Variants in SMCHD1 observed in about 807,000 individuals in gnomAD.
SMCHD1 encodes structural maintenance of chromosomes flexible hinge domain containing 1.
Under a neutral mutation model 254.7 loss-of-function variants are expected in SMCHD1, and 78 were observed. The observed-to-expected ratio is 0.31, with a 90% CI of 0.26 to 0.37. The LOEUF is 0.37. Ranked by LOEUF, SMCHD1 falls within the 10% of genes least tolerant of loss-of-function variation. SMCHD1 has a pLI of 1.00. For synonymous variants in SMCHD1, 766 were observed against 794.9 expected (o/e 0.96, Z 0.61); for missense variants, 1,840 against 2,408.1 (o/e 0.76, Z 4.94).
chr18:2,800,617 C>T (rs1424932437), intron 47 of SMCHD1: 2 of 152,156 alleles, frequency 1.3e-5, no homozygotes, highest in Admixed American at 6.6e-5. Flanking sequence ...AGATTACAGG[C>T]CTGAGTCACC....
chr18:2,793,562 G>A (rs1364422340), intron 45 of SMCHD1, among the ~76,000 whole-genome samples: 1 of 150,898 alleles, frequency 6.6e-6, no homozygotes, highest in Non-Finnish European at 1.5e-5. Flanking sequence ...CCACCTGGGA[G>A]GCTGAGGCAG....
chr18:2,749,056 G>A (rs543539745), intron 30 of SMCHD1, among the ~76,000 whole-genome samples: 6 of 152,156 alleles, frequency 3.9e-5, no homozygotes, highest in Non-Finnish European at 7.4e-5. Flanking sequence ...GTTAAATGAG[G>A]CTATGATACT....
chr18:2,657,648 A>AT (rs2073111739), intron 1 of SMCHD1, among the ~76,000 whole-genome samples: 1 of 152,042 alleles, frequency 6.6e-6, no homozygotes, highest in South Asian at 2.1e-4. Context: ...TTCCCACTCC[A>AT]TTTTTTAAAT....
chr18:2,752,463 C>G (rs2075593175), intron 33 of SMCHD1, 25 bp from the exon 34 acceptor site: 1 of 1,544,946 alleles, frequency 6.5e-7, no homozygotes, highest in African/African-American at 1.4e-5. Flanking sequence ...TCCCCTCTCC[C>G]CTTCTCTCCT....
chr18:2,763,216 T>C (rs562743688), intron 36 of SMCHD1, among the ~76,000 whole-genome samples: 1 of 152,338 alleles, frequency 6.6e-6, no homozygotes, highest in South Asian at 2.1e-4. Context: ...TTGAATATCA[T>C]ATAAGCACCG....
At chr18:2,684,364 T>C (rs2073993284) in intron 5 of SMCHD1, among the ~76,000 whole-genome samples, 1 of 152,188 alleles carries the variant, frequency 6.6e-6, no homozygotes, top group Non-Finnish European at 1.5e-5. Flanking sequence ...TTTGTTTTAA[T>C]TGTTCTTTGT....
intron 30 of SMCHD1, among the ~76,000 whole-genome samples, chr18:2,748,959 C>T (rs753359887): frequency 4.6e-5 from 7 of 152,184 alleles, no homozygotes; most frequent in Non-Finnish European, 1.0e-4. Context: ...TCTTAAAAGT[C>T]GTATGGAAGA....
chr18:2,728,627 T>G, intron 23 of SMCHD1, 31 bp downstream of exon 23: 1 of 1,603,406 alleles, frequency 6.2e-7, no homozygotes, highest in Non-Finnish European at 8.5e-7. Flanking sequence ...TTAGATTGAG[T>G]CCCATTGTAG....
chr18:2,793,437 G>C (rs900712400), intron 45 of SMCHD1, among the ~76,000 whole-genome samples: 1 of 152,054 alleles, frequency 6.6e-6, no homozygotes, highest in African/African-American at 2.4e-5. Context: ...GCTGAGGCGG[G>C]TGGATCACGA....
chr18:2,791,505 C>T (rs2076164693), intron 45 of SMCHD1, among the ~76,000 whole-genome samples: 1 of 152,166 alleles, frequency 6.6e-6, no homozygotes, highest in Non-Finnish European at 1.5e-5. Context: ...GATTGAGCTA[C>T]TACTGCATTC....
chr18:2,717,273 C>G (rs897429635), intron 17 of SMCHD1, among the ~76,000 whole-genome samples: 3 of 152,230 alleles, frequency 2.0e-5, no homozygotes, highest in South Asian at 2.1e-4. Context: ...CCTTCTCACA[C>G]AGAGGATTCA....
chr18:2,734,507 G>T (rs557673407), intron 25 of SMCHD1, among the ~76,000 whole-genome samples: 1 of 152,092 alleles, frequency 6.6e-6, no homozygotes, highest in Non-Finnish European at 1.5e-5. Flanking sequence ...CTTTACAGTG[G>T]TTTTGTAGTG....
intron 47 of SMCHD1, among the ~76,000 whole-genome samples, chr18:2,802,311 C>CTG (rs1392229296): frequency 6.6e-6 from 1 of 152,156 alleles, no homozygotes; most frequent in African/African-American, 2.4e-5. Context: ...ATGTTATATA[C>CTG]TGTGTGTGTG....
intron 32 of SMCHD1, 144 bp downstream of exon 32, chr18:2,750,651 G>T (rs555289593): frequency 7.9e-6 from 5 of 629,396 alleles, no homozygotes; most frequent in Admixed American, 3.6e-5. Flanking sequence ...TGTTGCAGAT[G>T]TTAAGTCAAT....
chr18:2,799,696 C>A (rs1440319641), intron 47 of SMCHD1, among the ~76,000 whole-genome samples: 3 of 152,158 alleles, frequency 2.0e-5, no homozygotes, highest in African/African-American at 7.2e-5. Flanking sequence ...CTTAAAATCA[C>A]GTGAAGTGTT....
chr18:2,707,366 T>C (rs2074542072), intron 15 of SMCHD1, 197 bp from the exon 16 acceptor site: 1 of 349,614 alleles, frequency 2.9e-6, no homozygotes, highest in African/African-American at 2.1e-5. Context: ...TTTTTTTTCT[T>C]CTTCTTTTTT....
intron 17 of SMCHD1, among the ~76,000 whole-genome samples, chr18:2,712,778 CAA>C (rs1210289281): frequency 3.9e-5 from 6 of 152,174 alleles, no homozygotes; most frequent in African/African-American, 1.4e-4. Flanking sequence ...CATTTTACGC[CAA>C]AGTGATTTTT....
At position 2,666,146 on chromosome 18, in the gene SMCHD1, A is replaced by C. The variant is rs1309326941; in HGVS notation, c.187-11A>C. On this transcript the variant is annotated splice_polypyrimidine_tract_variant and intron_variant, in intron 1 of 47. Transcript: ENST00000320876. ...TGTGTAATAAGTGATTTTATTTCTT[A>C]TTTTGGATAGACACTTGGCATTTCA... The C allele has an allele frequency of 7.4e-7, 1 of 1,344,710 alleles. No homozygotes were observed. Among genetic ancestry groups the C allele is most frequent in the Non-Finnish European group, 1.1e-6 (1 of 952,116 alleles). The allele number at this position is 1,344,710 out of a possible 1,614,324, so 83.3% of individuals were successfully genotyped here. A position where few individuals can be genotyped will look rare whatever the true frequency, so the allele number is the denominator to read the frequency against.
At chr18:2,776,701 G>T (rs982051561) in intron 42 of SMCHD1, among the ~76,000 whole-genome samples, 28 of 152,094 alleles carry the variant, frequency 1.8e-4, no homozygotes, top group Non-Finnish European at 3.5e-4. Context: ...AAGGAGAATG[G>T]TGTCTCATTA....
Sources: allele counts gnomAD v4.1 joint callset (sites outside exome capture counted in the v4.1 genomes callset), GRCh38; gene constraint gnomAD v4.1.1; transcripts MANE v1.5; gene names NCBI Gene and HGNC (gene_info 2026-07-23, HGNC 2026-07-21).